Variants in UTRN observed in about 807,000 individuals in gnomAD.
The protein encoded by UTRN is utrophin.
A neutral mutation model predicts 463.9 loss-of-function variants in UTRN; 283 were observed. The observed-to-expected ratio is 0.61, with a 90% CI of 0.55 to 0.67. The LOEUF (loss-of-function observed/expected upper bound fraction) is 0.67, where lower values mean the gene tolerates loss of function less well. UTRN is among the 30% of genes least tolerant of loss of function. The pLI, the probability that UTRN is intolerant of heterozygous loss-of-function variation, is 0.00. For missense variants in UTRN, 3,922 were observed against 4,084.3 expected (o/e 0.96, Z 1.08); for synonymous variants, 1,442 against 1,431.5 (o/e 1.01, Z -0.17).
At chr6:144,601,880 C>G (rs1041719879) in intron 51 of UTRN, among the ~76,000 whole-genome samples, 5 of 152,056 alleles carry the variant, frequency 3.3e-5, no homozygotes, top group East Asian at 1.9e-4. Context: ...CTTAACTGAG[C>G]AACCATCAAA....
intron 71 of UTRN, among the ~76,000 whole-genome samples, chr6:144,837,712 C>T (rs918550740): frequency 1.2e-4 from 18 of 152,318 alleles, no homozygotes; most frequent in African/African-American, 3.6e-4. Flanking sequence ...GTCTTTTTAA[C>T]TTACCAGAAT....
intron 34 of UTRN, among the ~76,000 whole-genome samples, chr6:144,503,502 A>G (rs1233576665): frequency 1.3e-5 from 2 of 152,200 alleles, no homozygotes; most frequent in African/African-American, 4.8e-5. Context: ...TTTATTAAAT[A>G]GGGAATCCTT....
At chr6:144,461,141 T>C in intron 21 of UTRN, 56 bp from the exon 22 acceptor site, 1 of 1,443,010 alleles carries the variant, frequency 6.9e-7, no homozygotes, top group South Asian at 1.5e-5. Flanking sequence ...ATGGTCTATG[T>C]AATAATATTG....
At chr6:144,677,664 G>T (rs914162039) in intron 51 of UTRN, among the ~76,000 whole-genome samples, 1 of 152,064 alleles carries the variant, frequency 6.6e-6, no homozygotes, top group South Asian at 2.1e-4. Context: ...GGTATTTTTG[G>T]TTCTATATCC....
chr6:144,608,504 C>T (rs1805116612), intron 51 of UTRN, among the ~76,000 whole-genome samples: 1 of 152,126 alleles, frequency 6.6e-6, no homozygotes, highest in Non-Finnish European at 1.5e-5. Context: ...ATCCACTTGA[C>T]CACAGAACTG....
chr6:144,485,323 A>T, intron 27 of UTRN, 62 bp from the exon 28 acceptor site: 3 of 1,593,968 alleles, frequency 1.9e-6, no homozygotes, highest in Non-Finnish European at 2.6e-6. Flanking sequence ...GAGAATGTGT[A>T]GTACTAGAGA....
At chr6:144,313,531 C>T (rs1376032763) in intron 2 of UTRN, among the ~76,000 whole-genome samples, 2 of 152,136 alleles carry the variant, frequency 1.3e-5, no homozygotes, top group Non-Finnish European at 2.9e-5. Context: ...GCAGACTTTC[C>T]CCTTTGTCTG....
intron 58 of UTRN, among the ~76,000 whole-genome samples, chr6:144,760,971 T>G (rs1367697856): frequency 6.6e-6 from 1 of 152,220 alleles, no homozygotes; most frequent in Non-Finnish European, 1.5e-5. Context: ...TAAAGCCCAC[T>G]TTGATGGCTT....
chr6:144,491,083 C>T lies in UTRN; in HGVS notation c.4418C>T (p.Thr1473Met), dbSNP rs770067039. 2.5e-5 allele frequency: 40 copies of T among 1,607,880 alleles called. No homozygotes were observed. Among genetic ancestry groups the T allele is most frequent in the South Asian group, 1.6e-4 (14 of 89,890 alleles). ...VKDVDPDVIQ[T>M]HLDKCMKLYK... ...GACGTAGACCCTGACGTCATACAGACGCACCTGGACAAGTGTATGGTGAGG... is the reference window on the plus strand; with the variant it reads ...GACGTAGACCCTGACGTCATACAGATGCACCTGGACAAGTGTATGGTGAGG... The change falls in exon 32 of 75, where the codon ACG becomes ATG. Residue 1473 changes from threonine (T) to methionine (M), a missense_variant. Thr to Met is a moderately conservative substitution (Grantham distance 81, BLOSUM62 -1). Transcript: ENST00000367545.
At chr6:144,548,269 A>G (rs1798584004) in intron 46 of UTRN, among the ~76,000 whole-genome samples, 1 of 152,226 alleles carries the variant, frequency 6.6e-6, no homozygotes, top group Non-Finnish European at 1.5e-5. Flanking sequence ...AGAATAAAAT[A>G]TGCTCACATT....
chr6:144,438,972 A>G (rs1786859657), intron 12 of UTRN, 77 bp downstream of exon 12: 2 of 1,469,698 alleles, frequency 1.4e-6, no homozygotes, highest in East Asian at 2.4e-5. Flanking sequence ...GGCTGATGAC[A>G]TCTATCGTTA....
At chr6:144,375,803 GTTGGAGTCCTTGCT>G (rs1433792802) in intron 2 of UTRN, among the ~76,000 whole-genome samples, 2 of 152,146 alleles carry the variant, frequency 1.3e-5, no homozygotes, top group Non-Finnish European at 2.9e-5. Flanking sequence ...GGCCTTAGAT[GTTGGAGTCCTTGCT>G]TCCTAGCTCC....
chr6:144,739,464 A>G (rs1170468009), intron 54 of UTRN, among the ~76,000 whole-genome samples: 1 of 152,204 alleles, frequency 6.6e-6, no homozygotes, highest in Non-Finnish European at 1.5e-5. Context: ...ACATTAGTTA[A>G]TAGAAGTAAC....
intron 34 of UTRN, among the ~76,000 whole-genome samples, chr6:144,502,258 T>C (rs1471710535): frequency 3.9e-5 from 6 of 152,068 alleles, no homozygotes; most frequent in African/African-American, 9.7e-5. Context: ...CTAGCTTTTT[T>C]CCTTTTTTTT....
At chr6:144,599,282 C>T (rs577485446) in intron 51 of UTRN, among the ~76,000 whole-genome samples, 2 of 152,158 alleles carry the variant, frequency 1.3e-5, no homozygotes, top group Admixed American at 6.5e-5. Flanking sequence ...AGGAAGAGTA[C>T]TCAATTAAGT....
At chr6:144,555,610 C>T (rs1257182578) in intron 49 of UTRN, among the ~76,000 whole-genome samples, 1 of 152,086 alleles carries the variant, frequency 6.6e-6, no homozygotes, top group East Asian at 1.9e-4. Flanking sequence ...TTTGTATTTT[C>T]TGTAGAGACG....
intron 51 of UTRN, among the ~76,000 whole-genome samples, chr6:144,657,148 G>A (rs1229786577): frequency 1.3e-5 from 2 of 151,878 alleles, no homozygotes; most frequent in African/African-American, 2.4e-5. Flanking sequence ...TACTCGGGAG[G>A]CTGAGGCAGG....
intron 54 of UTRN, among the ~76,000 whole-genome samples, chr6:144,745,818 T>C (rs1201365267): frequency 6.6e-6 from 1 of 152,094 alleles, no homozygotes; most frequent in Non-Finnish European, 1.5e-5. Context: ...TTTTTTACAG[T>C]AGTCAATGCT....
intron 2 of UTRN, among the ~76,000 whole-genome samples, chr6:144,401,293 C>G (rs999454504): frequency 6.6e-6 from 1 of 151,962 alleles, no homozygotes; most frequent in African/African-American, 2.4e-5. Flanking sequence ...TTCCAAATGC[C>G]CTAAACACTG....
Sources: allele counts gnomAD v4.1 joint callset (sites outside exome capture counted in the v4.1 genomes callset), GRCh38; gene constraint gnomAD v4.1.1; transcripts MANE v1.5; gene names NCBI Gene and HGNC (gene_info 2026-07-23, HGNC 2026-07-21).